EGLN2: variants seen among roughly 807,000 people sequenced by gnomAD.
EGLN2 encodes egl-9 family hypoxia inducible factor 2.
EGLN2 carries 15 observed loss-of-function variants against 38.2 expected under a neutral mutation model. The ratio of observed to expected loss-of-function variants is 0.39; its 90% CI spans 0.26 to 0.60. The LOEUF (loss-of-function observed/expected upper bound fraction) is 0.60, where lower values mean the gene tolerates loss of function less well. Ranked by LOEUF, EGLN2 falls within the 20% of genes least tolerant of loss-of-function variation. EGLN2 has a pLI of 0.50. For synonymous variants in EGLN2, 284 were observed against 237.4 expected (o/e 1.20, Z -1.81); for missense variants, 492 against 570.4 (o/e 0.86, Z 1.40).
At chr19:40,805,117 C>T (rs565280515) in intron 2 of EGLN2, 1 of 152,346 alleles carries the variant, frequency 6.6e-6, no homozygotes, top group Non-Finnish European at 1.5e-5. Flanking sequence ...GATGTTTGAT[C>T]GTGAATGTTT....
chr19:40,807,757 GCTT>G, intron 5 of EGLN2, 49 bp from the exon 6 acceptor site: 14 of 1,600,144 alleles, frequency 8.7e-6, no homozygotes, highest in Non-Finnish European at 1.1e-5. Context: ...GTTTCCCTTG[GCTT>G]CTTTGTCCTT....
intron 2 of EGLN2, among the ~76,000 whole-genome samples, chr19:40,803,749 G>A (rs1173307862): frequency 6.6e-6 from 1 of 152,196 alleles, no homozygotes; most frequent in Non-Finnish European, 1.5e-5. Flanking sequence ...GGGGACCCCA[G>A]GGAGAGTCCA....
chr19:40,806,603 G>A lies in EGLN2; in HGVS notation c.892G>A (p.Val298Ile), dbSNP rs367781410. The change falls in exon 3 of 6, where the codon GTT (valine) becomes ATT (isoleucine). Residue 298 changes from valine to isoleucine, a missense_variant. Physicochemically the swap from Val to Ile is conservative, Grantham distance 29. This residue lies in a region of EGLN2 where 114 missense variants were observed against 184.2 expected (regional missense o/e 0.62). Coordinates refer to ENST00000303961, the MANE Select transcript of EGLN2 (RefSeq NM_080732.4). ...CAACGGGCTCGGGTACGTAAGGCAC[G>A]TTGACAATCCCCACGGCGATGGGCG... ...PGNGLGYVRH[V>I]DNPHGDGRCI... The A allele has an allele frequency of 4.3e-6, 7 of 1,613,996 alleles. No individual in the cohort carries two copies. Among genetic ancestry groups the A allele is most frequent in the South Asian group, 2.2e-5 (2 of 91,082 alleles).
At chr19:40,804,437 T>TGGAGCAGAGTGATGGGAGAGGCAC (rs2083286490) in intron 2 of EGLN2, 1 of 152,646 alleles carries the variant, frequency 6.6e-6, no homozygotes, top group Admixed American at 6.5e-5. Flanking sequence ...TGTTGAGGCA[T>TGGAGCAGAGTGATGGGAGAGGCAC]GGAGCAGAGT....
chr19:40,799,387 A>C (rs1186827149), intron 1 of EGLN2, 125 bp downstream of exon 1: 1 of 84,478 alleles, frequency 1.2e-5, no homozygotes. Context: ...GGGAAGGGGG[A>C]TGTGGGTGCG....
intron 5 of EGLN2, 36 bp from the exon 6 acceptor site, chr19:40,807,773 G>T: frequency 6.2e-7 from 1 of 1,611,058 alleles, no homozygotes; most frequent in Non-Finnish European, 8.5e-7. Context: ...TTGTCCTTCT[G>T]ATGACTCACT....
chr19:40,802,541 C>T (rs1026621179), intron 2 of EGLN2, among the ~76,000 whole-genome samples: 1 of 152,246 alleles, frequency 6.6e-6, no homozygotes, highest in Non-Finnish European at 1.5e-5. Flanking sequence ...TTTTGAGAAT[C>T]TGTCAGAGGC....
chr19:40,800,709 C>G lies in EGLN2; in HGVS notation c.137C>G (p.Pro46Arg), dbSNP rs753191476. ...AGTTACCTGCCCTGTCCCCTGCTCC[C>G]CTCCTACCACTGTCCAGGAGTGCCT... ...VESYLPCPLL[P>R]SYHCPGVPSE... The change falls in exon 2 of 6, where the codon CCC becomes CGC. Residue 46 changes from proline to arginine, a missense_variant. Physicochemically the swap from Pro to Arg is moderately radical, Grantham distance 103. Around this residue, in one of 2 missense-constraint regions of EGLN2, gnomAD observed 378 missense variants for 386.2 expected, o/e 0.98. Coordinates refer to ENST00000303961, the MANE Select transcript of EGLN2 (RefSeq NM_080732.4). 6.2e-7 allele frequency: 1 copy of G among 1,614,072 alleles called. No homozygotes were observed. Among genetic ancestry groups the G allele is most frequent in the Admixed American group, 1.7e-5 (1 of 60,030 alleles).
intron 3 of EGLN2, 69 bp downstream of exon 3, chr19:40,806,743 T>TC (rs2083304476): frequency 6.3e-7 from 1 of 1,576,980 alleles, no homozygotes. Flanking sequence ...GTGCGTCCAC[T>TC]CCATTTTCCA....
chr19:40,806,620 C>T lies in EGLN2; in HGVS notation c.909C>T (p.Gly303=). Residue 303 remains glycine, a synonymous_variant, in exon 3 of 6, where the codon GGC becomes GGT. Transcript: ENST00000303961. ...TAAGGCACGTTGACAATCCCCACGG[C>T]GATGGGCGCTGCATCACCTGTATCT... ...GYVRHVDNPH[G]DGRCITCIYY... The T allele has an allele frequency of 1.9e-6, 3 of 1,614,084 alleles. No individual in the cohort carries two copies. The highest frequency in any genetic ancestry group is 2.5e-6 in the Non-Finnish European group (3 of 1,179,992).
At position 40,807,809 on chromosome 19, in the gene EGLN2, C is replaced by G. The variant is rs756595762; in HGVS notation, c.1169C>G (p.Ala390Gly). ...RAAAKDKYQL[A>G]SGQKGVQVPV... ...GTCTCCTGTCCCCTCTCACCCCCAG[C>G]ATCAGGACAGAAAGGTGTCCAAGTA... Residue 390 changes from alanine to glycine, a missense_variant and splice_region_variant, in exon 6 of 6, where the codon GCA becomes GGA. Coordinates refer to ENST00000303961, the MANE Select transcript of EGLN2 (RefSeq NM_080732.4). 19 of 1,614,032 alleles carry G rather than the reference C, an allele frequency of 1.2e-5. No individual in the cohort carries two copies. The highest frequency in any genetic ancestry group is 2.5e-6 in the Non-Finnish European group (3 of 1,180,000).
chr19:40,803,610 C>T (rs2083279586), intron 2 of EGLN2, among the ~76,000 whole-genome samples: 1 of 152,078 alleles, frequency 6.6e-6, no homozygotes, highest in South Asian at 2.1e-4. Context: ...TAGAAACGTG[C>T]TTCTTAGTCG....
At chr19:40,802,864 C>T (rs1028178935) in intron 2 of EGLN2, among the ~76,000 whole-genome samples, 4 of 152,268 alleles carry the variant, frequency 2.6e-5, no homozygotes, top group African/African-American at 9.6e-5. Context: ...GGCTGAGCTC[C>T]TGATGTCCTC....
At position 40,807,285 on chromosome 19, in the gene EGLN2, T is replaced by C; in HGVS notation, c.1100+11T>C. The C allele has an allele frequency of 6.2e-7, 1 of 1,614,108 alleles. No homozygotes were observed. The highest frequency in any genetic ancestry group is 8.5e-7 in the Non-Finnish European group (1 of 1,179,986). On this transcript the variant is annotated intron_variant, in intron 4 of 5. Coordinates refer to ENST00000303961, the MANE Select transcript of EGLN2 (RefSeq NM_080732.4). The stretch of plus-strand genomic sequence containing the variant: ...AGCCTATGCCACCAGGTATGACCTG[T>C]ACTTCTGGAGACGCACCCAGGTGCT...
intron 2 of EGLN2, 55 bp downstream of exon 2, chr19:40,801,470 C>T: frequency 6.4e-7 from 1 of 1,562,136 alleles, no homozygotes; most frequent in Non-Finnish European, 8.6e-7. Flanking sequence ...TGGTTTGCAG[C>T]ATTCAGTGCT....
At chr19:40,805,980 C>G (rs780182386) in intron 2 of EGLN2, 1 of 153,232 alleles carries the variant, frequency 6.5e-6, no homozygotes, top group Non-Finnish European at 1.5e-5. Flanking sequence ...GGCTCCTGTT[C>G]GGAGGTCTAT....
At chr19:40,807,302 C>A (rs374003521) in intron 4 of EGLN2, 28 bp downstream of exon 4, 36 of 1,613,554 alleles carry the variant, frequency 2.2e-5, no homozygotes, top group Admixed American at 1.7e-4. Flanking sequence ...GGAGACGCAC[C>A]CAGGTGCTCC....
In EGLN2 at chr19:40,799,195, T is replaced by C. The variant is rs1027970890; in HGVS notation, c.-302T>C. On this transcript the variant is annotated 5_prime_UTR_variant, in exon 1 of 6. Coordinates refer to ENST00000303961, the MANE Select transcript of EGLN2 (RefSeq NM_080732.4). ...GGCGTCGCGCGCGGTGGGGGCGGGG[T>C]ATGGCGCGCTGTGCGGCGCAGGGCG... is the stretch of plus-strand genomic sequence containing the variant. The C allele has an allele frequency of 1.4e-5, 2 of 143,244 alleles. No individual in the cohort carries two copies. Among genetic ancestry groups the C allele is most frequent in the Admixed American group, 1.4e-4 (2 of 14,544 alleles). The allele number at this position is 143,244 out of a possible 1,614,324, so 8.9% of individuals were successfully genotyped here. A position where few individuals can be genotyped will look rare whatever the true frequency, so the allele number is the denominator to read the frequency against.
intron 3 of EGLN2, chr19:40,806,937 T>C (rs1343459447): frequency 2.1e-6 from 2 of 973,832 alleles, no homozygotes. Flanking sequence ...ATGAACACTT[T>C]CCCCCTTTTC....
Sources: allele counts gnomAD v4.1 joint callset (sites outside exome capture counted in the v4.1 genomes callset), GRCh38; gene constraint gnomAD v4.1.1; regional missense constraint gnomAD v4.1.1; transcripts MANE v1.5; gene names NCBI Gene and HGNC (gene_info 2026-07-23, HGNC 2026-07-21).